The following CNTNAP2 variants were observed in gnomAD, a reference collection of about 807,000 sequenced individuals.
CNTNAP2 encodes the protein contactin-associated protein-like 2.
A neutral mutation model predicts 155.2 loss-of-function variants in CNTNAP2; 98 were observed. The ratio of observed to expected loss-of-function variants is 0.63; its 90% CI spans 0.54 to 0.75. The LOEUF is 0.75. Among genes scored for constraint, CNTNAP2 ranks in the 30% least tolerant of loss-of-function variants. The probability of loss-of-function intolerance (pLI) is 0.00; values close to 1 mark genes in which losing one functional copy is unlikely to be tolerated. For missense variants in CNTNAP2, 1,727 were observed against 1,688.1 expected (o/e 1.02, Z -0.40); for synonymous variants, 651 against 631.2 (o/e 1.03, Z -0.47).
intron 3 of CNTNAP2, among the ~76,000 whole-genome samples, chr7:146,988,530 A>G (rs1584768403): frequency 6.6e-6 from 1 of 152,126 alleles, no homozygotes; most frequent in Non-Finnish European, 1.5e-5. Context: ...AGATTTCACT[A>G]AATTCTCTAT....
intron 2 of CNTNAP2, among the ~76,000 whole-genome samples, chr7:146,778,788 A>G (rs1802433934): frequency 6.6e-6 from 1 of 152,242 alleles, no homozygotes; most frequent in South Asian, 2.1e-4. Flanking sequence ...TTCTTCTGCC[A>G]AACTTTCAAC....
At chr7:147,291,399 A>G (rs965223771) in intron 8 of CNTNAP2, among the ~76,000 whole-genome samples, 4 of 152,148 alleles carry the variant, frequency 2.6e-5, no homozygotes, top group Non-Finnish European at 2.9e-5. Flanking sequence ...CTATGAACAT[A>G]TTCATAAAAT....
intron 21 of CNTNAP2, among the ~76,000 whole-genome samples, chr7:148,363,993 C>G (rs949412161): frequency 2.0e-5 from 3 of 152,280 alleles, no homozygotes; most frequent in Admixed American, 6.5e-5. Flanking sequence ...CCCAGCAGTG[C>G]CGGCCCACCG....
chr7:146,912,505 T>C (rs916499471), intron 3 of CNTNAP2, among the ~76,000 whole-genome samples: 3 of 152,134 alleles, frequency 2.0e-5, no homozygotes, highest in Non-Finnish European at 4.4e-5. Context: ...GGCCTCAGGG[T>C]AACAATGTTT....
At chr7:146,900,578 A>G (rs924615861) in intron 3 of CNTNAP2, among the ~76,000 whole-genome samples, 4 of 152,078 alleles carry the variant, frequency 2.6e-5, no homozygotes, top group African/African-American at 9.7e-5. Flanking sequence ...TGCTAGTCCC[A>G]TCTCCTGCCA....
chr7:146,455,416 T>G (rs1796541506), intron 1 of CNTNAP2, among the ~76,000 whole-genome samples: 1 of 152,160 alleles, frequency 6.6e-6, no homozygotes, highest in African/African-American at 2.4e-5. Context: ...CCCGTATGCT[T>G]TTCCTTTCAA....
At chr7:148,044,805 C>T (rs1802747451) in intron 15 of CNTNAP2, 1 of 152,258 alleles carries the variant, frequency 6.6e-6, no homozygotes, top group Non-Finnish European at 1.5e-5. Context: ...TGCTCTGTGT[C>T]TAGTGTATGT....
intron 21 of CNTNAP2, among the ~76,000 whole-genome samples, chr7:148,368,546 G>A (rs975093238): frequency 9.2e-5 from 14 of 152,182 alleles, no homozygotes; most frequent in Non-Finnish European, 2.9e-5. Flanking sequence ...ATCAGAATGG[G>A]TCCAAAATTG....
chr7:147,348,565 C>A (rs190313868), intron 9 of CNTNAP2, among the ~76,000 whole-genome samples: 1 of 151,814 alleles, frequency 6.6e-6, no homozygotes, highest in South Asian at 2.1e-4. Flanking sequence ...GCTAGTACAG[C>A]CACTCCAGAA....
intron 11 of CNTNAP2, among the ~76,000 whole-genome samples, chr7:147,559,553 A>G (rs894635705): frequency 3.9e-5 from 6 of 152,216 alleles, no homozygotes; most frequent in African/African-American, 9.6e-5. Flanking sequence ...TAAACAAGAT[A>G]CCAAATGAAA....
intron 13 of CNTNAP2, among the ~76,000 whole-genome samples, chr7:147,791,000 C>G (rs538999322): frequency 2.3e-4 from 35 of 152,330 alleles, no homozygotes; most frequent in African/African-American, 7.7e-4. Flanking sequence ...TTTCTACTTT[C>G]AGCAAATTCA....
rs139855801 is a variant in CNTNAP2 at position 146,939,066 on chromosome 7, A to G, written c.402+99162A>G. On this transcript the variant is annotated intron_variant, in intron 3 of 23. Transcript: ENST00000361727. ...TCATAATGTATCTAGGAGGAAAAATATTTATCACTGCCAACCCAGGAAAAA... is the reference window on the plus strand; with the variant it reads ...TCATAATGTATCTAGGAGGAAAAATGTTTATCACTGCCAACCCAGGAAAAA... 1.8e-4 allele frequency among the ~76,000 whole-genome samples: 27 copies of G among 152,214 alleles called. 1 individual carries two copies. The East Asian group carries it at 5.0e-3, about 28-fold the overall frequency.
intron 21 of CNTNAP2, among the ~76,000 whole-genome samples, chr7:148,345,299 A>G (rs1009628771): frequency 3.3e-5 from 5 of 152,100 alleles, no homozygotes. Context: ...AGAAGCCTAT[A>G]ACCCACAGCA....
intron 12 of CNTNAP2, among the ~76,000 whole-genome samples, chr7:147,634,628 G>GA (rs1173696716): frequency 1.3e-5 from 2 of 151,282 alleles, no homozygotes; most frequent in African/African-American, 4.8e-5. Context: ...TGCTTTCTCA[G>GA]AAAAAAAATG....
chr7:146,270,897 T>C (rs56158300), intron 1 of CNTNAP2, among the ~76,000 whole-genome samples: 4,511 of 152,180 alleles, frequency 0.03, 221 homozygotes, highest in African/African-American at 0.1. Context: ...AACAAACATT[T>C]CTTGAATACC....
chr7:146,920,045 AT>A (rs773647069), intron 3 of CNTNAP2, among the ~76,000 whole-genome samples: 8 of 152,304 alleles, frequency 5.3e-5, no homozygotes, highest in Non-Finnish European at 1.2e-4. Context: ...TAAAATCATG[AT>A]TTTATAAGCA....
At chr7:147,353,002 A>G (rs1326339754) in intron 9 of CNTNAP2, among the ~76,000 whole-genome samples, 4 of 151,604 alleles carry the variant, frequency 2.6e-5, no homozygotes, top group African/African-American at 9.7e-5. Context: ...GGTCTTTTGA[A>G]TCGTTCTCTA....
In CNTNAP2 at chr7:147,265,481, A is replaced by G. The variant is rs556494146; in HGVS notation, c.1349-34660A>G. Among the ~76,000 whole-genome samples the G allele has an allele frequency of 3.9e-5, 6 of 152,280 alleles. No individual in the cohort carries two copies. In the South Asian group the frequency reaches 1.2e-3, roughly 32 times the overall value. ...TGCAGGAACTCCAGCAACTCCAGCC[A>G]GGGGCTTAGGGACCAAACTCTGATC... On this transcript the variant is annotated intron_variant, in intron 8 of 23. Coordinates refer to ENST00000361727, the MANE Select transcript of CNTNAP2 (RefSeq NM_014141.6).
chr7:146,896,198 C>T (rs1371145314), intron 3 of CNTNAP2, among the ~76,000 whole-genome samples: 1 of 152,026 alleles, frequency 6.6e-6, no homozygotes, highest in Non-Finnish European at 1.5e-5. Flanking sequence ...CCAGCATAAC[C>T]TCATCTTAGT....
Sources: allele counts gnomAD v4.1 joint callset (sites outside exome capture counted in the v4.1 genomes callset), GRCh38; gene constraint gnomAD v4.1.1; transcripts MANE v1.5; gene names NCBI Gene and HGNC (gene_info 2026-07-23, HGNC 2026-07-21).